The following JHY variants were observed in gnomAD, a reference collection of about 807,000 sequenced individuals.
The protein encoded by JHY is junctional cadherin complex regulator, also known as jhy protein homolog.
In JHY, 69 loss-of-function variants were observed where a neutral mutation model predicts 78.0. The ratio of observed to expected loss-of-function variants is 0.88; its 90% confidence interval spans 0.73 to 1.08. The LOEUF is 1.08. Among genes scored for constraint, JHY ranks in the 50% least tolerant of loss-of-function variants. The probability of loss-of-function intolerance (pLI) is 0.00; values close to 1 mark genes in which losing one functional copy is unlikely to be tolerated. For synonymous variants in JHY, 368 were observed against 342.6 expected (o/e 1.07, Z -0.82); for missense variants, 944 against 927.8 (o/e 1.02, Z -0.23).
chr11:122,897,098 A>G (rs1380920920), intron 2 of JHY, among the ~76,000 whole-genome samples: 2 of 151,898 alleles, frequency 1.3e-5, no homozygotes, highest in Non-Finnish European at 2.9e-5. Context: ...CTCATAATCC[A>G]CCTGCCTCGG....
intron 3 of JHY, among the ~76,000 whole-genome samples, chr11:122,907,414 T>G (rs1464084267): frequency 6.6e-6 from 1 of 152,098 alleles, no homozygotes; most frequent in African/African-American, 2.4e-5. Context: ...TAAGGGAAAT[T>G]AAAAATGTAT....
Position 122,959,580 on chromosome 11 carries a change from A to G in JHY, c.*135A>G, listed in dbSNP as rs1864268629. 3 of 854,390 alleles carry G rather than the reference A, an allele frequency of 3.5e-6. No individual in the cohort carries two copies. In the Admixed American group the frequency reaches 9.2e-5, roughly 26 times the overall value. 52.9% of individuals were successfully genotyped at this position (854,390 alleles called of 1,614,324 possible). ...TCTGCCGTCCATGTTTGCTTTCTGC[A>G]GGATTTAAAATATGAGGCCCAATTG... On this transcript the variant is annotated 3_prime_UTR_variant, in exon 9 of 9. Transcript: ENST00000227349.
chr11:122,904,500 T>C, intron 3 of JHY, 56 bp downstream of exon 3: 1 of 1,547,130 alleles, frequency 6.5e-7, no homozygotes, highest in East Asian at 2.3e-5. Flanking sequence ...AATTTGCGTT[T>C]GTTTGCAGTG....
intron 3 of JHY, among the ~76,000 whole-genome samples, chr11:122,915,655 G>A (rs1863219258): frequency 6.6e-6 from 1 of 152,104 alleles, no homozygotes; most frequent in Admixed American, 6.6e-5. Flanking sequence ...TGGGATTAGA[G>A]GTACCCGCCA....
chr11:122,909,263 A>C (rs987571119), intron 3 of JHY, among the ~76,000 whole-genome samples: 11 of 152,322 alleles, frequency 7.2e-5, no homozygotes, highest in African/African-American at 2.2e-4. Context: ...TGAGAGAATA[A>C]ATTAGTATAA....
At chr11:122,933,597 G>A (rs186943281) in intron 4 of JHY, among the ~76,000 whole-genome samples, 8 of 152,266 alleles carry the variant, frequency 5.3e-5, no homozygotes, top group South Asian at 2.1e-4. Flanking sequence ...TTGCCTAAGC[G>A]CAGGCTATAT....
chr11:122,928,301 C>T (rs1321833849), intron 4 of JHY, among the ~76,000 whole-genome samples: 1 of 152,154 alleles, frequency 6.6e-6, no homozygotes, highest in Non-Finnish European at 1.5e-5. Context: ...GAGCAAGACC[C>T]TGTCTCTAAA....
rs1318989320 is a variant in JHY, at chr11:122,883,576, C to A, written c.-90+604C>A. Reference sequence around the variant, plus strand: ...CACCTCTCTTGGTCAGAAATTTCAGCGGCACAACCTTTTTTTTTTTTCACT... The same window carrying A: ...CACCTCTCTTGGTCAGAAATTTCAGAGGCACAACCTTTTTTTTTTTTCACT... On this transcript the variant is annotated intron_variant, in intron 1 of 8. Transcript: ENST00000227349. The surrounding 1 kb of genome is among the most constrained non-coding windows in gnomAD (Gnocchi z 4.4). 6.6e-6 allele frequency among the ~76,000 whole-genome samples: 1 copy of A among 151,678 alleles called. No individual in the cohort carries two copies. The highest frequency in any genetic ancestry group is 1.5e-5 in the Non-Finnish European group (1 of 67,950).
At chr11:122,951,876 C>T (rs1415404519) in intron 6 of JHY, among the ~76,000 whole-genome samples, 2 of 151,996 alleles carry the variant, frequency 1.3e-5, no homozygotes, top group African/African-American at 2.4e-5. Context: ...TCATGTGCAT[C>T]TTATACAAAG....
Position 122,935,380 on chromosome 11 carries a change from G to A in JHY, c.1634+305G>A, listed in dbSNP as rs889135861. 1.3e-5 allele frequency among the ~76,000 whole-genome samples: 2 copies of A among 151,954 alleles called. No homozygotes were observed. Among genetic ancestry groups the A allele is most frequent in the East Asian group, 1.9e-4 (1 of 5,192 alleles). Reference sequence around the variant, plus strand: ...CTCCCAAGTAGCAGGGATTACAAGCGTTCACCACCACACCGGGCTAATTTT... The same window carrying A: ...CTCCCAAGTAGCAGGGATTACAAGCATTCACCACCACACCGGGCTAATTTT... On this transcript the variant is annotated intron_variant, in intron 5 of 8. Coordinates refer to ENST00000227349, the MANE Select transcript of JHY (RefSeq NM_024806.4). This position sits in a 1 kb window ranked among gnomAD's most constrained non-coding sequence, Gnocchi z 4.5.
At position 122,958,250 on chromosome 11, in the gene JHY, T is replaced by A. The variant is rs1419577083; in HGVS notation, c.2139+759T>A. On this transcript the variant is annotated intron_variant, in intron 8 of 8. Transcript: ENST00000227349. ...TGCCTCAATTGATCTATCCAGTCCC[T>A]GTAAGGACACGGGACCCTTTGCATG... Among the ~76,000 whole-genome samples, 4 of 152,204 alleles carry A rather than the reference T, an allele frequency of 2.6e-5. No individual in the cohort carries two copies. In the East Asian group the frequency reaches 7.7e-4, roughly 29 times the overall value.
intron 7 of JHY, among the ~76,000 whole-genome samples, chr11:122,957,118 T>C (rs1864209180): frequency 6.6e-6 from 1 of 152,232 alleles, no homozygotes; most frequent in Admixed American, 6.5e-5. Flanking sequence ...GAATGTGATT[T>C]AGCCCCTGTT....
At chr11:122,932,803 G>A (rs76086100) in intron 4 of JHY, among the ~76,000 whole-genome samples, 32 of 152,024 alleles carry the variant, frequency 2.1e-4, no homozygotes, top group Non-Finnish European at 4.0e-4. Context: ...CTTCCTGCCC[G>A]CATTTCCCCA....
At chr11:122,948,617 CA>C (rs1323210323) in intron 6 of JHY, among the ~76,000 whole-genome samples, 1 of 150,828 alleles carries the variant, frequency 6.6e-6, no homozygotes, top group East Asian at 1.9e-4. Flanking sequence ...ATGTTGCAAG[CA>C]AAAAACAAAT....
chr11:122,904,651 C>G (rs1288747480), intron 3 of JHY, among the ~76,000 whole-genome samples: 1 of 152,174 alleles, frequency 6.6e-6, no homozygotes, highest in Non-Finnish European at 1.5e-5. Flanking sequence ...CAATGGTTTA[C>G]AGTGTAATTG....
intron 3 of JHY, among the ~76,000 whole-genome samples, chr11:122,922,550 G>A (rs1171327508): frequency 3.3e-5 from 5 of 150,616 alleles, no homozygotes; most frequent in South Asian, 2.1e-4. Context: ...GGTGGCTCAC[G>A]CCTGTAATCC....
At chr11:122,906,352 C>T (rs1429747144) in intron 3 of JHY, among the ~76,000 whole-genome samples, 1 of 152,040 alleles carries the variant, frequency 6.6e-6, no homozygotes, top group African/African-American at 2.4e-5. Flanking sequence ...CCACATCTAG[C>T]TAAATTTGTT....
In JHY at chr11:122,936,426, C is replaced by CT. The variant is rs761664487; in HGVS notation, c.1634+1363dup. Among the ~76,000 whole-genome samples, 670 of 142,828 alleles carry CT rather than the reference C, an allele frequency of 4.7e-3. 2 individuals carry two copies. The highest frequency in any genetic ancestry group is 8.6e-3 in the African/African-American group (338 of 39,314). 93.7% of individuals were successfully genotyped at this position (142,828 alleles called of 152,430 possible). On this transcript the variant is annotated intron_variant, in intron 5 of 8. Transcript: ENST00000227349. ...AATGATAAATAGCAGGCATCTTTGT[C>CT]TTTTTTTTTTTTCCTGATTTTAGAA...
intron 5 of JHY, among the ~76,000 whole-genome samples, chr11:122,937,763 T>A (rs1172782447): frequency 6.6e-6 from 1 of 152,126 alleles, no homozygotes; most frequent in Non-Finnish European, 1.5e-5. Context: ...GTTTTTTCCA[T>A]CCCCGTTCTC....
Sources: allele counts gnomAD v4.1 joint callset (sites outside exome capture counted in the v4.1 genomes callset), GRCh38; gene constraint gnomAD v4.1.1; non-coding constraint Gnocchi (gnomAD v3.1); transcripts MANE v1.5; gene names NCBI Gene and HGNC (gene_info 2026-07-23, HGNC 2026-07-21).